RBFOX1: variants seen among roughly 807,000 people sequenced by gnomAD.
The protein encoded by RBFOX1 is RNA binding protein fox-1 homolog 1.
Under a neutral mutation model 57.7 loss-of-function variants are expected in RBFOX1, and 8 were observed. That is an observed-to-expected ratio of 0.14 (90% CI 0.08 to 0.25). The LOEUF is 0.25. Among genes scored for constraint, RBFOX1 ranks in the 10% least tolerant of loss-of-function variants. The pLI is 1.00. For synonymous variants in RBFOX1, 326 were observed against 222.4 expected, an observed-to-expected ratio of 1.47 and a Z score of -4.15; for missense variants, 611 against 548.5, an observed-to-expected ratio of 1.11 and a Z score of -1.14.
At chr16:5,598,040 T>G (rs954049054) in intron 2 of RBFOX1, among the ~76,000 whole-genome samples, 1 of 152,042 alleles carries the variant, frequency 6.6e-6, no homozygotes, top group Non-Finnish European at 1.5e-5. Flanking sequence ...CTCAGGCCGG[T>G]AATGTTAGTA....
intron 3 of RBFOX1, among the ~76,000 whole-genome samples, chr16:5,641,318 T>C (rs2048867291): frequency 6.6e-6 from 1 of 152,248 alleles, no homozygotes; most frequent in Non-Finnish European, 1.5e-5. Context: ...ACAAAGTCTC[T>C]GATCTCATGG....
intron 1 of RBFOX1, among the ~76,000 whole-genome samples, chr16:5,380,594 C>A (rs1567419078): frequency 2.0e-5 from 3 of 152,186 alleles, no homozygotes; most frequent in Admixed American, 6.5e-5. Flanking sequence ...ATTGCTAATT[C>A]CCACTGTGTG....
intron 1 of RBFOX1, among the ~76,000 whole-genome samples, chr16:5,373,692 C>T (rs1332918916): frequency 2.0e-5 from 3 of 149,692 alleles, no homozygotes; most frequent in Non-Finnish European, 4.5e-5. Context: ...GCACCTTTGC[C>T]TCCCGGGTTC....
At chr16:7,201,914 C>T (rs758638254) in intron 4 of RBFOX1, among the ~76,000 whole-genome samples, 26 of 152,168 alleles carry the variant, frequency 1.7e-4, no homozygotes, top group Admixed American at 1.3e-3. Flanking sequence ...AGGAGATGTA[C>T]GAGGGATTTA....
At chr16:6,309,639 A>T (rs935276239) in intron 1 of RBFOX1, among the ~76,000 whole-genome samples, 2 of 151,760 alleles carry the variant, frequency 1.3e-5, no homozygotes, top group Non-Finnish European at 2.9e-5. Flanking sequence ...AAACACACCA[A>T]CAATAAGGCT....
At chr16:7,332,315 A>G (rs1243929663) in intron 4 of RBFOX1, among the ~76,000 whole-genome samples, 1 of 152,198 alleles carries the variant, frequency 6.6e-6, no homozygotes, top group Non-Finnish European at 1.5e-5. Context: ...ACGTGTAAAT[A>G]ATTTAACTCT....
chr16:6,646,034 G>T (rs2098531657), intron 2 of RBFOX1, among the ~76,000 whole-genome samples: 1 of 152,096 alleles, frequency 6.6e-6, no homozygotes, highest in Non-Finnish European at 1.5e-5. Flanking sequence ...AAGTAGAAGG[G>T]CTGCCTTCTG....
At chr16:7,563,478 T>A (rs1429898099) in intron 5 of RBFOX1, among the ~76,000 whole-genome samples, 1 of 152,210 alleles carries the variant, frequency 6.6e-6, no homozygotes, top group Non-Finnish European at 1.5e-5. Flanking sequence ...TTTTTTCTTT[T>A]CTTGCTTCAA....
chr16:6,006,363 C>T (rs2094927186), intron 4 of RBFOX1, among the ~76,000 whole-genome samples: 1 of 140,972 alleles, frequency 7.1e-6, no homozygotes, highest in South Asian at 2.4e-4. Flanking sequence ...TTTGTTTGAG[C>T]CCTACTGTAG....
At chr16:7,151,576 A>T (rs1585722) in intron 4 of RBFOX1, among the ~76,000 whole-genome samples, 4 of 152,016 alleles carry the variant, frequency 2.6e-5, no homozygotes, top group Non-Finnish European at 4.4e-5. Flanking sequence ...ATGGAAGACA[A>T]TTTTTTCCAG....
At chr16:6,612,680 C>G (rs1408943463) in intron 2 of RBFOX1, among the ~76,000 whole-genome samples, 4 of 151,864 alleles carry the variant, frequency 2.6e-5, no homozygotes, top group African/African-American at 9.7e-5. Flanking sequence ...GACAAAACCC[C>G]TCCTCTACTA....
At chr16:6,972,385 T>C (rs767789124) in intron 3 of RBFOX1, among the ~76,000 whole-genome samples, 1 of 152,152 alleles carries the variant, frequency 6.6e-6, no homozygotes, top group South Asian at 2.1e-4. Context: ...CTTAGCATAA[T>C]GTCCTCAGGG....
chr16:7,197,470 C>T (rs1283993539), intron 4 of RBFOX1, among the ~76,000 whole-genome samples: 1 of 141,650 alleles, frequency 7.1e-6, no homozygotes, highest in Non-Finnish European at 1.5e-5. Context: ...AAACATCAAG[C>T]TGTGATACTG....
At chr16:5,868,193 G>A (rs12444504) in intron 4 of RBFOX1, among the ~76,000 whole-genome samples, 34,192 of 152,044 alleles carry the variant, frequency 0.22, 4,080 homozygotes, top group Non-Finnish European at 0.25. Flanking sequence ...CGATAGAGCC[G>A]GTCACTCTCA....
intron 1 of RBFOX1, among the ~76,000 whole-genome samples, chr16:5,353,125 G>A (rs1004978177): frequency 6.6e-6 from 1 of 152,160 alleles, no homozygotes; most frequent in African/African-American, 2.4e-5. Flanking sequence ...TGTAATCCCA[G>A]CACTTTGGGA....
chr16:6,894,301 G>C (rs141747236), intron 3 of RBFOX1, among the ~76,000 whole-genome samples: 1 of 152,154 alleles, frequency 6.6e-6, no homozygotes, highest in Non-Finnish European at 1.5e-5. Flanking sequence ...GGGGTGGTCT[G>C]TTGTGCGTTT....
At chr16:6,237,352 C>G (rs2097512779) in intron 1 of RBFOX1, among the ~76,000 whole-genome samples, 1 of 152,152 alleles carries the variant, frequency 6.6e-6, no homozygotes, top group Non-Finnish European at 1.5e-5. Flanking sequence ...CAAGTTTCAT[C>G]CTTATATGGC....
intron 4 of RBFOX1, among the ~76,000 whole-genome samples, chr16:7,229,946 A>G (rs1178417046): frequency 2.5e-5 from 1 of 39,800 alleles, no homozygotes. Context: ...GAGAGGGAGG[A>G]AGGGAGAGAG....
At chr16:6,825,421 G>C (rs143559161) in intron 3 of RBFOX1, among the ~76,000 whole-genome samples, 384 of 152,156 alleles carry the variant, frequency 2.5e-3, no homozygotes, top group African/African-American at 7.2e-3. Flanking sequence ...TATTCAGCAA[G>C]GCAGGGATGA....
Sources: allele counts gnomAD v4.1 joint callset (sites outside exome capture counted in the v4.1 genomes callset), GRCh38; gene constraint gnomAD v4.1.1; transcripts MANE v1.5; gene names NCBI Gene and HGNC (gene_info 2026-07-23, HGNC 2026-07-21).